Variants in PSMA5 observed in about 807,000 individuals in gnomAD.
PSMA5 encodes proteasome subunit alpha type-5.
In PSMA5, 3 loss-of-function variants were observed where a neutral mutation model predicts 34.5. The ratio of observed to expected loss-of-function variants is 0.09; its 90% CI spans 0.04 to 0.22. PSMA5 has a LOEUF of 0.22. Ranked by LOEUF, PSMA5 falls within the 10% of genes least tolerant of loss-of-function variation. The probability of loss-of-function intolerance (pLI) is 1.00; values close to 1 mark genes in which losing one functional copy is unlikely to be tolerated. For missense variants in PSMA5, 120 were observed against 286.1 expected, an observed-to-expected ratio of 0.42 and a Z score of 4.19; for synonymous variants, 88 against 95.8, an observed-to-expected ratio of 0.92 and a Z score of 0.47.
At chr1:109,422,014 T>C in intron 1 of PSMA5, 88 bp from the exon 2 acceptor site, 2 of 753,858 alleles carry the variant, frequency 2.7e-6, no homozygotes, top group Non-Finnish European at 2.0e-6. Flanking sequence ...CTAGCTCAGA[T>C]AGCTACAGAA....
In PSMA5 at chr1:109,415,729, G is replaced by A. The variant is rs137904573; in HGVS notation, c.97-366C>T. On this transcript the variant is annotated intron_variant, in intron 2 of 8. Transcript: ENST00000271308. ...TCTCTAATGCCAATATTTGGAGGAC[G>A]GAGGATTCAAAAGTTCTAAACATAG... 3.2e-3 allele frequency among the ~76,000 whole-genome samples: 485 copies of A among 152,150 alleles called. 2 individuals are homozygous for A. Among genetic ancestry groups the A allele is most frequent in the African/African-American group, 0.011 (463 of 41,492 alleles).
chr1:109,399,539 ACAACT>A lies in PSMA5; in HGVS notation c.*2469_*2473del, dbSNP rs1225105777. The stretch of plus-strand genomic sequence containing the variant: ...TTGTCTTACTGTCTGAAAAGAAAAA[ACAACT>A]CAACAGTGCCACCTCCTGGAGAAAT... On this transcript the variant is annotated 3_prime_UTR_variant, in exon 9 of 9. Transcript: ENST00000271308. The A allele has an allele frequency of 2.6e-5, 4 of 152,296 alleles. No homozygotes were observed. The highest frequency in any genetic ancestry group is 4.4e-5 in the Non-Finnish European group (3 of 68,018). The allele number at this position is 152,296 out of a possible 1,614,324, so 9.4% of individuals were successfully genotyped here. A position where few individuals can be genotyped will look rare whatever the true frequency, so the allele number is the denominator to read the frequency against.
rs1157456881 is a variant in PSMA5 at position 109,401,162 on chromosome 1, G to A, written c.*851C>T. The stretch of plus-strand genomic sequence containing the variant: ...GGGAAAGTTCATCATTCATTCCAAA[G>A]TCTAATGTAAACTGCTTCTGAATTT... On this transcript the variant is annotated 3_prime_UTR_variant, in exon 9 of 9. Coordinates refer to ENST00000271308, the MANE Select transcript of PSMA5 (RefSeq NM_002790.4). The A allele has an allele frequency of 2.0e-5, 3 of 152,184 alleles. No individual in the cohort carries two copies. The highest frequency in any genetic ancestry group is 2.0e-4 in the Admixed American group (3 of 15,288). The allele number at this position is 152,184 out of a possible 1,614,324, so 9.4% of individuals were successfully genotyped here. A position where few individuals can be genotyped will look rare whatever the true frequency, so the allele number is the denominator to read the frequency against.
rs184119438 is a variant in PSMA5, at chr1:109,412,193, A to G, written c.292-9T>C. 2.5e-6 allele frequency: 4 copies of G among 1,604,698 alleles called. No homozygotes were observed. The East Asian group carries it at 6.7e-5, about 27-fold the overall frequency. ...TAGGTGAACCAGTGGTTCTAGAAGA[A>G]GAGCAAAGCATGGTACAACCTTCTA... On this transcript the variant is annotated splice_polypyrimidine_tract_variant and intron_variant, in intron 4 of 8. Transcript: ENST00000271308.
intron 8 of PSMA5, among the ~76,000 whole-genome samples, chr1:109,409,126 T>C (rs183309903): frequency 6.6e-6 from 1 of 152,320 alleles, no homozygotes; most frequent in Admixed American, 6.5e-5. Flanking sequence ...CAGCATACTA[T>C]TGTTTTCTCC....
chr1:109,410,179 A>G (rs1384409100), intron 7 of PSMA5, among the ~76,000 whole-genome samples, 165 bp from the exon 8 acceptor site: 2 of 152,326 alleles, frequency 1.3e-5, no homozygotes, highest in East Asian at 3.9e-4. Flanking sequence ...TAAATGGCAA[A>G]TAAGTAGAAT....
At chr1:109,419,972 CAA>C (rs1159333248) in intron 2 of PSMA5, among the ~76,000 whole-genome samples, 24 of 61,956 alleles carry the variant, frequency 3.9e-4, no homozygotes, top group Admixed American at 3.8e-4. Flanking sequence ...GACTCTGTCT[CAA>C]AAAAAAAAAA....
intron 2 of PSMA5, among the ~76,000 whole-genome samples, chr1:109,418,571 C>T (rs1406522112): frequency 1.3e-5 from 2 of 152,182 alleles, no homozygotes; most frequent in Admixed American, 6.5e-5. Context: ...CCTGCCTCAG[C>T]GTCCCAAAGT....
chr1:109,424,797 G>A (rs1298560517), intron 1 of PSMA5, among the ~76,000 whole-genome samples: 1 of 152,188 alleles, frequency 6.6e-6, no homozygotes. Context: ...GACCATCCTG[G>A]CCAACATGGT....
chr1:109,421,018 CAAAA>C (rs60663577), intron 2 of PSMA5, among the ~76,000 whole-genome samples: 2 of 87,710 alleles, frequency 2.3e-5, no homozygotes. Context: ...ACATCTCTAC[CAAAA>C]AAAAAAAAAA....
In PSMA5 at chr1:109,402,809, G is replaced by A. The variant is rs577600865; in HGVS notation, c.649-719C>T. Among the ~76,000 whole-genome samples, 7 of 152,258 alleles carry A rather than the reference G, an allele frequency of 4.6e-5. No individual in the cohort carries two copies. The South Asian group carries it at 8.3e-4, about 18-fold the overall frequency. ...CAACCTCCGCCTCCCGGGTTCAAGCGATTCTCCTGCCTCAGCCTCTCGAGT... is the reference window on the plus strand; with the variant it reads ...CAACCTCCGCCTCCCGGGTTCAAGCAATTCTCCTGCCTCAGCCTCTCGAGT... On this transcript the variant is annotated intron_variant, in intron 8 of 8. Coordinates refer to ENST00000271308, the MANE Select transcript of PSMA5 (RefSeq NM_002790.4).
intron 2 of PSMA5, among the ~76,000 whole-genome samples, chr1:109,419,000 C>A (rs960079252): frequency 6.6e-6 from 1 of 151,938 alleles, no homozygotes; most frequent in African/African-American, 2.4e-5. Flanking sequence ...ACTAAAAATG[C>A]AAAATTAGCC....
intron 8 of PSMA5, among the ~76,000 whole-genome samples, chr1:109,404,378 T>A (rs112954870): frequency 4.3e-4 from 65 of 152,288 alleles, no homozygotes; most frequent in African/African-American, 1.4e-3. Flanking sequence ...CTTTACTTGA[T>A]GATCAATGAC....
chr1:109,412,050 A>G (rs1437311492), intron 5 of PSMA5, 27 bp downstream of exon 5: 1 of 1,604,146 alleles, frequency 6.2e-7, no homozygotes, highest in Non-Finnish European at 8.5e-7. Flanking sequence ...GAACAATAAG[A>G]AAACTCGACA....
intron 2 of PSMA5, among the ~76,000 whole-genome samples, chr1:109,417,688 C>A (rs1571026574): frequency 1.3e-5 from 2 of 152,304 alleles, no homozygotes; most frequent in East Asian, 3.9e-4. Flanking sequence ...TTTCCCTACT[C>A]AGCTCTCAGA....
intron 4 of PSMA5, 47 bp from the exon 5 acceptor site, chr1:109,412,231 A>C: frequency 2.0e-6 from 3 of 1,472,798 alleles, no homozygotes; most frequent in Non-Finnish European, 2.9e-6. Context: ...AAGGACATTA[A>C]AGCAGCCCAC....
intron 8 of PSMA5, 87 bp downstream of exon 8, chr1:109,409,841 G>A: frequency 1.1e-6 from 1 of 881,242 alleles, no homozygotes; most frequent in East Asian, 2.5e-5. Context: ...TTGAACTCAT[G>A]AGTTCAAGAC....
intron 1 of PSMA5, among the ~76,000 whole-genome samples, chr1:109,424,130 T>C (rs1654551974): frequency 6.6e-6 from 1 of 152,208 alleles, no homozygotes; most frequent in Admixed American, 6.5e-5. Context: ...ATTAAATTCC[T>C]ACTCTTTCAA....
chr1:109,405,447 G>T (rs978438282), intron 8 of PSMA5, among the ~76,000 whole-genome samples: 5 of 118,306 alleles, frequency 4.2e-5, no homozygotes, highest in Non-Finnish European at 6.6e-5. Context: ...GTCAGAAAAG[G>T]TTTTTTTTTT....
Sources: gnomAD v4.1 joint callset for allele counts (sites outside exome capture counted in the v4.1 genomes callset) on GRCh38, gnomAD v4.1.1 for gene constraint, MANE v1.5 for transcripts, NCBI Gene and HGNC (gene_info 2026-07-23, HGNC 2026-07-21) for gene names.